The following SUGCT variants were observed in gnomAD, a reference collection of about 807,000 sequenced individuals.
The protein encoded by SUGCT is succinyl-CoA:glutarate CoA-transferase.
Under a neutral mutation model 55.0 loss-of-function variants are expected in SUGCT, and 41 were observed. The ratio of observed to expected loss-of-function variants is 0.74; its 90% CI spans 0.58 to 0.97. SUGCT has a LOEUF of 0.97. Ranked by LOEUF, SUGCT falls within the 50% of genes least tolerant of loss-of-function variation. SUGCT has a pLI of 0.00. For missense variants in SUGCT, 568 were observed against 547.8 expected, an observed-to-expected ratio of 1.04 and a Z score of -0.37; for synonymous variants, 187 against 200.4, an observed-to-expected ratio of 0.93 and a Z score of 0.56.
In SUGCT at chr7:40,295,845, A is replaced by C. The variant is rs546888232; in HGVS notation, c.721-20915A>C. Among the ~76,000 whole-genome samples, 18 of 152,176 alleles carry C rather than the reference A, an allele frequency of 1.2e-4. No individual in the cohort carries two copies. In the East Asian group the frequency reaches 3.5e-3, roughly 29 times the overall value. On this transcript the variant is annotated intron_variant, in intron 8 of 13. Coordinates refer to ENST00000335693, the MANE Select transcript of SUGCT (RefSeq NM_001193313.2). ...CCAGTTCTTCTCCTTACACCCCCTT[A>C]TCTCTCCTCTACCATATGCTTAATT...
At chr7:40,285,986 A>G (rs1224758962) in intron 8 of SUGCT, among the ~76,000 whole-genome samples, 1 of 152,210 alleles carries the variant, frequency 6.6e-6, no homozygotes, top group African/African-American at 2.4e-5. Flanking sequence ...TATGCTAAAT[A>G]TATTTTCACC....
intron 13 of SUGCT, among the ~76,000 whole-genome samples, chr7:40,795,579 A>C (rs1205028344): frequency 6.6e-6 from 1 of 152,150 alleles, no homozygotes; most frequent in Non-Finnish European, 1.5e-5. Context: ...TCAAAAATTG[A>C]TGCTTTTGTG....
At chr7:40,171,479 A>G (rs568218049) in intron 1 of SUGCT, among the ~76,000 whole-genome samples, 2 of 152,304 alleles carry the variant, frequency 1.3e-5, no homozygotes, top group East Asian at 3.9e-4. Context: ...TTTGTATGGT[A>G]ATTAAGATTT....
Position 40,533,587 on chromosome 7 carries a change from ATTATCT to A in SUGCT, c.1089+37205_1089+37210del, listed in dbSNP as rs1794205330. 1.3e-5 allele frequency among the ~76,000 whole-genome samples: 2 copies of A among 152,154 alleles called. 1 individual carries two copies. Among genetic ancestry groups the A allele is most frequent in the South Asian group, 4.1e-4 (2 of 4,832 alleles). On this transcript the variant is annotated intron_variant, in intron 12 of 13. Coordinates refer to ENST00000335693, the MANE Select transcript of SUGCT (RefSeq NM_001193313.2). ...TACTTCTAATTTTGAAGGCAAAGAA[ATTATCT>A]TTAAGTCTACATTTAACCTATTTAA...
At chr7:41,026,039 A>G in the SUGCT span, among the ~76,000 whole-genome samples, 1 of 152,176 alleles carries the variant, frequency 6.6e-6, no homozygotes, top group Non-Finnish European at 1.5e-5. Flanking sequence ...CTCTGAGTTG[A>G]ACAGTCTCAC....
At chr7:40,297,485 A>T (rs1272663751) in intron 8 of SUGCT, among the ~76,000 whole-genome samples, 1 of 152,184 alleles carries the variant, frequency 6.6e-6, no homozygotes, top group African/African-American at 2.4e-5. Context: ...CTGAGATAAC[A>T]TGAATGTTCA....
At chr7:40,780,176 C>T (rs558990244) in intron 13 of SUGCT, among the ~76,000 whole-genome samples, 2 of 152,264 alleles carry the variant, frequency 1.3e-5, no homozygotes, top group African/African-American at 4.8e-5. Flanking sequence ...TCTAAAGCCA[C>T]TCTGGATGGG....
intron 9 of SUGCT, among the ~76,000 whole-genome samples, chr7:40,353,856 T>G (rs1797760434): frequency 6.6e-6 from 1 of 152,228 alleles, no homozygotes; most frequent in African/African-American, 2.4e-5. Context: ...TATACTGGGT[T>G]TGTTTCAGGC....
chr7:40,902,514 A>AG, the SUGCT span, among the ~76,000 whole-genome samples: 1 of 142,092 alleles, frequency 7.0e-6, no homozygotes, highest in African/African-American at 2.7e-5. Flanking sequence ...CAGGAGGCAG[A>AG]GGTTGCAGTG....
At chr7:40,241,450 A>G (rs539742976) in intron 7 of SUGCT, among the ~76,000 whole-genome samples, 1 of 151,246 alleles carries the variant, frequency 6.6e-6, no homozygotes, top group South Asian at 2.1e-4. Flanking sequence ...ATCGTGGCAC[A>G]TGCATGTAAT....
At chr7:40,528,776 C>T (rs1793934647) in intron 12 of SUGCT, among the ~76,000 whole-genome samples, 1 of 152,122 alleles carries the variant, frequency 6.6e-6, no homozygotes, top group Non-Finnish European at 1.5e-5. Flanking sequence ...TTCCTTGATT[C>T]CCCCAACTCG....
intron 13 of SUGCT, among the ~76,000 whole-genome samples, chr7:40,799,149 C>G (rs774278581): frequency 1.2e-4 from 19 of 152,192 alleles, no homozygotes; most frequent in Non-Finnish European, 2.4e-4. Context: ...GGCACCAGAG[C>G]TACCTCTTCC....
At chr7:40,237,611 A>G (rs749718912) in intron 6 of SUGCT, 24 bp from the exon 7 acceptor site, 9 of 1,593,640 alleles carry the variant, frequency 5.6e-6, no homozygotes, top group Non-Finnish European at 7.7e-6. Flanking sequence ...GTGGTGCTGA[A>G]TATGTTTATT....
intron 12 of SUGCT, among the ~76,000 whole-genome samples, chr7:40,600,858 G>A (rs1421822110): frequency 6.6e-6 from 1 of 151,534 alleles, no homozygotes; most frequent in Non-Finnish European, 1.5e-5. Flanking sequence ...ATTTTGTTTT[G>A]TTTTTAAGCT....
chr7:40,800,751 C>T (rs1414952252), intron 13 of SUGCT, among the ~76,000 whole-genome samples: 1 of 152,122 alleles, frequency 6.6e-6, no homozygotes. Flanking sequence ...ATATTGTGTA[C>T]AGAAGTTGAA....
At chr7:40,999,656 A>G in the SUGCT span, among the ~76,000 whole-genome samples, 16 of 152,120 alleles carry the variant, frequency 1.1e-4, no homozygotes, top group Non-Finnish European at 1.9e-4. Flanking sequence ...CCACTCCCCA[A>G]TCAATGAGAT....
At chr7:40,412,151 A>G (rs113089470) in intron 9 of SUGCT, among the ~76,000 whole-genome samples, 28 of 152,298 alleles carry the variant, frequency 1.8e-4, no homozygotes, top group South Asian at 1.4e-3. Flanking sequence ...TTCCTATTCA[A>G]TCATGCCTTG....
chr7:40,788,891 C>A (rs1360520137), intron 13 of SUGCT, among the ~76,000 whole-genome samples: 1 of 152,124 alleles, frequency 6.6e-6, no homozygotes, highest in Non-Finnish European at 1.5e-5. Flanking sequence ...ATCTCTTTTT[C>A]AGTTTGTCAC....
intron 12 of SUGCT, among the ~76,000 whole-genome samples, chr7:40,542,396 CTT>C (rs1397726168): frequency 6.6e-6 from 1 of 152,134 alleles, no homozygotes; most frequent in East Asian, 1.9e-4. Flanking sequence ...ATACCTCACA[CTT>C]TTGAAAAACA....
Sources: allele counts gnomAD v4.1 joint callset (sites outside exome capture counted in the v4.1 genomes callset), GRCh38; gene constraint gnomAD v4.1.1; transcripts MANE v1.5; gene names NCBI Gene and HGNC (gene_info 2026-07-23, HGNC 2026-07-21).